Variants in MAGI2 observed in about 807,000 individuals in gnomAD.
The protein encoded by MAGI2 is membrane associated guanylate kinase, WW and PDZ domain containing 2.
A neutral mutation model predicts 133.3 loss-of-function variants in MAGI2; 35 were observed. That is an observed-to-expected ratio of 0.26 (90% CI 0.20 to 0.35). MAGI2 has a LOEUF of 0.35. MAGI2 is among the 10% of genes least tolerant of loss of function. MAGI2 has a pLI of 1.00. For synonymous variants in MAGI2, 729 were observed against 710.6 expected (o/e 1.03, Z -0.41); for missense variants, 1,636 against 1,863.4 (o/e 0.88, Z 2.25).
rs118056679 is a variant in MAGI2 at position 78,658,690 on chromosome 7, T to A, written c.419-31451A>T. The stretch of plus-strand genomic sequence containing the variant: ...CAGCAAGAGTAAGTGGATATACGGA[T>A]GGCAAATAAGCACATACAATAATGT... On this transcript the variant is annotated intron_variant, in intron 2 of 21. Coordinates refer to ENST00000354212, the MANE Select transcript of MAGI2 (RefSeq NM_012301.4). 9.2e-3 allele frequency among the ~76,000 whole-genome samples: 1,406 copies of A among 152,312 alleles called. 12 individuals carry two copies. Among genetic ancestry groups the A allele is most frequent in the Non-Finnish European group, 0.016 (1,074 of 68,022 alleles).
chr7:79,321,880 G>A (rs1020097792), intron 1 of MAGI2, among the ~76,000 whole-genome samples: 3 of 152,128 alleles, frequency 2.0e-5, no homozygotes, highest in South Asian at 2.1e-4. Context: ...CCAATTATCA[G>A]TGGAGACTGA....
intron 6 of MAGI2, among the ~76,000 whole-genome samples, chr7:78,424,570 A>C (rs1438219112): frequency 6.6e-6 from 1 of 152,168 alleles, no homozygotes. Context: ...TGCCTGGAAA[A>C]GTTGCAGACA....
intron 2 of MAGI2, among the ~76,000 whole-genome samples, chr7:78,728,987 A>C (rs1314864946): frequency 6.6e-6 from 1 of 152,182 alleles, no homozygotes; most frequent in African/African-American, 2.4e-5. Context: ...CTCACTGAAA[A>C]GGGGTAAGAA....
intron 10 of MAGI2, among the ~76,000 whole-genome samples, chr7:78,237,707 T>C (rs1790698509): frequency 6.6e-6 from 1 of 152,136 alleles, no homozygotes; most frequent in African/African-American, 2.4e-5. Context: ...GTTGATCTCA[T>C]ATGAGTTGAA....
At chr7:78,875,533 ATG>A (rs1795351342) in intron 2 of MAGI2, among the ~76,000 whole-genome samples, 1 of 152,240 alleles carries the variant, frequency 6.6e-6, no homozygotes, top group South Asian at 2.1e-4. Flanking sequence ...ACTGCATACC[ATG>A]TGTAGACAAA....
At chr7:78,971,572 C>A (rs972278866) in intron 2 of MAGI2, among the ~76,000 whole-genome samples, 2 of 151,918 alleles carry the variant, frequency 1.3e-5, no homozygotes, top group Non-Finnish European at 2.9e-5. Flanking sequence ...ATTTCCTATG[C>A]AATATTAGGT....
chr7:78,119,713 G>A (rs1185834985), intron 20 of MAGI2, among the ~76,000 whole-genome samples: 1 of 152,154 alleles, frequency 6.6e-6, no homozygotes, highest in East Asian at 1.9e-4. Context: ...AGAGGAGGCT[G>A]TGCATGTGTG....
At chr7:78,421,491 TCA>T (rs1407591340) in intron 6 of MAGI2, among the ~76,000 whole-genome samples, 1 of 152,112 alleles carries the variant, frequency 6.6e-6, no homozygotes, top group Non-Finnish European at 1.5e-5. Context: ...ATTATTTTCG[TCA>T]CATATAAAAA....
At position 78,302,233 on chromosome 7, in the gene MAGI2, T is replaced by C. The variant is rs567495844; in HGVS notation, c.1408+41545A>G. ...ATTTCAAATTCCTTTCACATTCTTA[T>C]TCAGTCATATGCCAAACTCAGTAGA... On this transcript the variant is annotated intron_variant, in intron 9 of 21. Coordinates refer to ENST00000354212, the MANE Select transcript of MAGI2 (RefSeq NM_012301.4). Among the ~76,000 whole-genome samples, 3 of 152,350 alleles carry C rather than the reference T, an allele frequency of 2.0e-5. No homozygotes were observed. The South Asian group carries it at 6.2e-4, about 32-fold the overall frequency.
intron 1 of MAGI2, among the ~76,000 whole-genome samples, chr7:79,101,451 G>A (rs1489963207): frequency 6.6e-6 from 1 of 152,092 alleles, no homozygotes; most frequent in South Asian, 2.1e-4. Context: ...GGGGCCGGGC[G>A]CAGTGTCTCA....
intron 3 of MAGI2, among the ~76,000 whole-genome samples, chr7:78,602,761 T>C (rs903308862): frequency 2.0e-5 from 3 of 152,232 alleles, no homozygotes; most frequent in Admixed American, 6.5e-5. Flanking sequence ...ATGCTTATTA[T>C]GATCATTTAA....
At chr7:78,120,219 G>A (rs1010858269) in intron 20 of MAGI2, among the ~76,000 whole-genome samples, 5 of 152,044 alleles carry the variant, frequency 3.3e-5, no homozygotes, top group African/African-American at 9.7e-5. Flanking sequence ...TGGCTAACAC[G>A]GTGAAACCCC....
chr7:78,787,545 C>T (rs915102472), intron 2 of MAGI2, among the ~76,000 whole-genome samples: 5 of 152,240 alleles, frequency 3.3e-5, no homozygotes, highest in South Asian at 2.1e-4. Context: ...ATTTAAATTT[C>T]GAGTTTAGCC....
chr7:78,392,748 A>G (rs1301497924), intron 6 of MAGI2, among the ~76,000 whole-genome samples: 1 of 152,152 alleles, frequency 6.6e-6, no homozygotes, highest in Non-Finnish European at 1.5e-5. Context: ...GTTTCAAGTG[A>G]TTCTCCTGCC....
chr7:78,846,039 T>A (rs183162797), intron 2 of MAGI2, among the ~76,000 whole-genome samples: 1 of 152,044 alleles, frequency 6.6e-6, no homozygotes, highest in Admixed American at 6.6e-5. Context: ...AAATCTTATT[T>A]ACTATTCAGT....
intron 2 of MAGI2, among the ~76,000 whole-genome samples, chr7:78,765,659 T>C (rs1824951103): frequency 6.6e-6 from 1 of 152,174 alleles, no homozygotes; most frequent in Admixed American, 6.5e-5. Context: ...AGTGCATATC[T>C]TATATCTGAG....
At chr7:78,781,481 T>A (rs1476182467) in intron 2 of MAGI2, among the ~76,000 whole-genome samples, 1 of 151,096 alleles carries the variant, frequency 6.6e-6, no homozygotes, top group Admixed American at 6.6e-5. Flanking sequence ...CCCACATAAA[T>A]GTGCAGAAAT....
At chr7:78,861,238 C>A (rs1794134612) in intron 2 of MAGI2, among the ~76,000 whole-genome samples, 1 of 151,962 alleles carries the variant, frequency 6.6e-6, no homozygotes, top group Non-Finnish European at 1.5e-5. Context: ...CACCCACTGC[C>A]TGACAAGCCC....
At chr7:78,562,225 T>C (rs1800481883) in intron 3 of MAGI2, among the ~76,000 whole-genome samples, 1 of 146,376 alleles carries the variant, frequency 6.8e-6, no homozygotes, top group South Asian at 2.1e-4. Context: ...GTGTTTAAAG[T>C]GAGTGTTATT....
Sources: allele counts gnomAD v4.1 joint callset (sites outside exome capture counted in the v4.1 genomes callset), GRCh38; gene constraint gnomAD v4.1.1; transcripts MANE v1.5; gene names NCBI Gene and HGNC (gene_info 2026-07-23, HGNC 2026-07-21).